Variants in RIC1 observed in about 807,000 individuals in gnomAD.
RIC1 encodes RIC1 partner of RAB6A GEF complex.
RIC1 carries 88 observed loss-of-function variants against 169.0 expected under a neutral mutation model. The observed-to-expected ratio is 0.52, with a 90% CI of 0.44 to 0.62. The LOEUF (loss-of-function observed/expected upper bound fraction) is 0.62, where lower values mean the gene tolerates loss of function less well. Among genes scored for constraint, RIC1 ranks in the 20% least tolerant of loss-of-function variants. RIC1 has a pLI of 0.00. For synonymous variants in RIC1, 790 were observed against 601.5 expected (o/e 1.31, Z -4.59); for missense variants, 1,877 against 1,725.5 (o/e 1.09, Z -1.56).
chr9:5,681,369 T>C (rs1461769498), intron 2 of RIC1, among the ~76,000 whole-genome samples: 1 of 152,226 alleles, frequency 6.6e-6, no homozygotes, highest in Non-Finnish European at 1.5e-5. Flanking sequence ...TGTGTCTTTG[T>C]TCTCGTTGGT....
chr9:5,639,067 C>G (rs930663036), intron 1 of RIC1, among the ~76,000 whole-genome samples: 4 of 152,122 alleles, frequency 2.6e-5, no homozygotes, highest in Admixed American at 2.6e-4. Flanking sequence ...AGTTGCATGC[C>G]ACCGTGCCCA....
chr9:5,681,796 G>T (rs181673450), intron 2 of RIC1, among the ~76,000 whole-genome samples: 10 of 152,212 alleles, frequency 6.6e-5, no homozygotes, highest in African/African-American at 2.4e-4. Flanking sequence ...TTGTAGGTCA[G>T]CAAGGACTTG....
At chr9:5,757,224 C>G in intron 16 of RIC1, 89 bp from the exon 17 acceptor site, 1 of 1,417,176 alleles carries the variant, frequency 7.1e-7, no homozygotes, top group Non-Finnish European at 9.8e-7. Context: ...CTTCCATAAG[C>G]ATGAAATCTA....
intron 12 of RIC1, among the ~76,000 whole-genome samples, chr9:5,749,274 G>C (rs143072702): frequency 1.4e-3 from 215 of 152,292 alleles, no homozygotes; most frequent in African/African-American, 4.9e-3. Context: ...CGCCTATTTG[G>C]CAGTTTGTAC....
intron 3 of RIC1, among the ~76,000 whole-genome samples, chr9:5,694,447 G>A (rs973325323): frequency 1.3e-5 from 2 of 152,088 alleles, no homozygotes; most frequent in African/African-American, 2.4e-5. Flanking sequence ...GATGTTTTTT[G>A]TTCTGCTTGA....
rs1826011042 is a variant in RIC1 at position 5,756,320 on chromosome 9, T to G, written c.1801T>G (p.Phe601Val). 1 of 1,587,726 alleles carries G rather than the reference T, an allele frequency of 6.3e-7. No individual in the cohort carries two copies. The highest frequency in any genetic ancestry group is 1.3e-5 in the African/African-American group (1 of 74,248). ...TGTCTTCCAGGACATGGTAATAGTA[T>G]TTAGAGCAGACTGTTCAATATGCCT... ...LSVFQDMVIV[F>V]RADCSICLYS... is the part of the protein sequence containing the mutation. Residue 601 changes from phenylalanine to valine, a missense_variant, in exon 16 of 26, where the codon TTT (phenylalanine) becomes GTT (valine). Physicochemically the swap from Phe to Val is conservative, Grantham distance 50. Around this residue, in one of 3 missense-constraint regions of RIC1, gnomAD observed 1,104 missense variants for 992.0 expected, o/e 1.11. Transcript: ENST00000414202.
chr9:5,770,988 G>T (rs903194691), intron 23 of RIC1, among the ~76,000 whole-genome samples: 17 of 152,102 alleles, frequency 1.1e-4, no homozygotes, highest in African/African-American at 4.1e-4. Flanking sequence ...TCTAATGTTT[G>T]ATTATCAGTC....
At chr9:5,768,944 T>C (rs532011950) in intron 21 of RIC1, 26 bp from the exon 22 acceptor site, 2 of 1,582,670 alleles carry the variant, frequency 1.3e-6, no homozygotes, top group African/African-American at 1.4e-5. Context: ...GATTATTCTG[T>C]AGCTTTCTTG....
chr9:5,715,632 T>A (rs911650274), intron 4 of RIC1, among the ~76,000 whole-genome samples: 1 of 152,342 alleles, frequency 6.6e-6, no homozygotes, highest in African/African-American at 2.4e-5. Flanking sequence ...GGCTAGGATA[T>A]TGGTTATGCT....
intron 17 of RIC1, among the ~76,000 whole-genome samples, chr9:5,758,490 C>A (rs1005842339): frequency 6.6e-6 from 1 of 152,148 alleles, no homozygotes; most frequent in Admixed American, 6.5e-5. Context: ...AATCTAAAAT[C>A]AATTTTGTTA....
At chr9:5,728,594 C>T (rs1443555027) in intron 6 of RIC1, among the ~76,000 whole-genome samples, 1 of 152,322 alleles carries the variant, frequency 6.6e-6, no homozygotes, top group East Asian at 1.9e-4. Context: ...GTTGGAAATG[C>T]AGAAATCACC....
chr9:5,758,751 T>C (rs998113929), intron 17 of RIC1, among the ~76,000 whole-genome samples: 1 of 149,786 alleles, frequency 6.7e-6, no homozygotes, highest in East Asian at 2.0e-4. Context: ...TGTCCTTTTT[T>C]CTTTTTTTTT....
At chr9:5,698,834 C>T (rs1350180915) in intron 3 of RIC1, among the ~76,000 whole-genome samples, 1 of 152,110 alleles carries the variant, frequency 6.6e-6, no homozygotes, top group East Asian at 1.9e-4. Flanking sequence ...AATGTGCCTC[C>T]ATTGCATATT....
At chr9:5,654,034 C>G (rs1365852499) in intron 1 of RIC1, among the ~76,000 whole-genome samples, 1 of 152,160 alleles carries the variant, frequency 6.6e-6, no homozygotes, top group Non-Finnish European at 1.5e-5. Context: ...GCATCTTACT[C>G]TATCACTTAG....
At chr9:5,706,257 A>G (rs7026856) in intron 3 of RIC1, among the ~76,000 whole-genome samples, 66 of 152,282 alleles carry the variant, frequency 4.3e-4, no homozygotes, top group African/African-American at 1.5e-3. Flanking sequence ...CAGGAGATCT[A>G]GACCATCCTG....
chr9:5,680,331 G>C (rs1820739341), intron 2 of RIC1, among the ~76,000 whole-genome samples: 1 of 152,168 alleles, frequency 6.6e-6, no homozygotes, highest in Admixed American at 6.5e-5. Flanking sequence ...GCCAGGCTTT[G>C]ATATCAGGGT....
chr9:5,761,281 T>C (rs1275841688), intron 17 of RIC1, among the ~76,000 whole-genome samples: 2 of 151,764 alleles, frequency 1.3e-5, no homozygotes, highest in Non-Finnish European at 2.9e-5. Context: ...GCCCGGCTTA[T>C]TTTTGTGTTT....
rs1184306595 is a variant in RIC1 at position 5,775,447 on chromosome 9, G to C, written c.*1201G>C. 6 of 152,132 alleles carry C rather than the reference G, an allele frequency of 3.9e-5. No individual in the cohort carries two copies. The highest frequency in any genetic ancestry group is 8.8e-5 in the Non-Finnish European group (6 of 68,026). 9.4% of individuals were successfully genotyped at this position (152,132 alleles called of 1,614,324 possible). A position where few individuals can be genotyped will look rare whatever the true frequency, so the allele number is the denominator to read the frequency against. ...TCTAATTACCTTATAACAGTATTAA[G>C]ACAGCTTGTTTGTACTGTGCAATTT... On this transcript the variant is annotated 3_prime_UTR_variant, in exon 26 of 26. Transcript: ENST00000414202.
intron 14 of RIC1, among the ~76,000 whole-genome samples, chr9:5,754,478 C>T (rs1233141821): frequency 6.6e-6 from 1 of 152,148 alleles, no homozygotes; most frequent in Admixed American, 6.5e-5. Flanking sequence ...CCTGTAATCC[C>T]AGCACTTTGG....
Sources: allele counts gnomAD v4.1 joint callset (sites outside exome capture counted in the v4.1 genomes callset), GRCh38; gene constraint gnomAD v4.1.1; regional missense constraint gnomAD v4.1.1; transcripts MANE v1.5; gene names NCBI Gene and HGNC (gene_info 2026-07-23, HGNC 2026-07-21).